SLC28A3: variants seen among roughly 807,000 people sequenced by gnomAD.
SLC28A3 encodes the protein concentrative Na(+)-nucleoside cotransporter 3.
In SLC28A3, 68 loss-of-function variants were observed where a neutral mutation model predicts 84.2. The observed-to-expected ratio is 0.81, with a 90% CI of 0.66 to 0.99. The LOEUF is 0.99. Among genes scored for constraint, SLC28A3 ranks in the 50% least tolerant of loss-of-function variants. The pLI, the probability that SLC28A3 is intolerant of heterozygous loss-of-function variation, is 0.00. For synonymous variants in SLC28A3, 267 were observed against 303.6 expected (o/e 0.88, Z 1.25); for missense variants, 712 against 841.5 (o/e 0.85, Z 1.90).
the SLC28A3 span, among the ~76,000 whole-genome samples, chr9:84,360,466 A>T: frequency 6.6e-6 from 1 of 152,160 alleles, no homozygotes; most frequent in East Asian, 1.9e-4. Context: ...TGGGGTCGTT[A>T]AAGTGTTGAG....
the SLC28A3 span, among the ~76,000 whole-genome samples, chr9:84,361,420 G>A: frequency 1.6e-4 from 24 of 152,210 alleles, no homozygotes; most frequent in African/African-American, 5.8e-4. Flanking sequence ...TGAGTTACAC[G>A]AAGAAGTCAG....
chr9:84,337,348 T>C (rs6559781), intron 1 of SLC28A3, among the ~76,000 whole-genome samples: 115,577 of 151,820 alleles, frequency 0.76, 44,027 homozygotes, highest in Middle Eastern at 0.84. Flanking sequence ...CCAGTCACTG[T>C]TTTTAGGTGT....
At chr9:84,366,203 C>G in the SLC28A3 span, among the ~76,000 whole-genome samples, 1 of 151,956 alleles carries the variant, frequency 6.6e-6, no homozygotes. Context: ...TTCAATATGC[C>G]AGTTGCATTT....
chr9:84,337,535 G>A (rs1245775154), intron 1 of SLC28A3, among the ~76,000 whole-genome samples: 2 of 152,072 alleles, frequency 1.3e-5, no homozygotes, highest in Non-Finnish European at 2.9e-5. Context: ...TTCCTGAACT[G>A]ATGGGAACAT....
upstream of SLC28A3, among the ~76,000 whole-genome samples, chr9:84,345,658 C>T (rs1000519466): frequency 5.3e-5 from 8 of 152,172 alleles, no homozygotes; most frequent in African/African-American, 1.7e-4. Context: ...AGTGACCTCC[C>T]TCATCCATTC....
intron 1 of SLC28A3, among the ~76,000 whole-genome samples, chr9:84,336,214 G>C (rs190084730): frequency 6.6e-6 from 1 of 151,774 alleles, no homozygotes; most frequent in Admixed American, 6.6e-5. Flanking sequence ...AAAAATACAA[G>C]AATTAGGTCG....
chr9:84,281,839 T>C (rs1044465190), intron 14 of SLC28A3, among the ~76,000 whole-genome samples: 2 of 152,182 alleles, frequency 1.3e-5, no homozygotes, highest in Non-Finnish European at 2.9e-5. Flanking sequence ...TATATGAAAT[T>C]CTAGGGCTGG....
upstream of SLC28A3, among the ~76,000 whole-genome samples, chr9:84,345,237 C>CAAAAAAAA (rs386415324): frequency 7.2e-6 from 1 of 138,724 alleles, no homozygotes; most frequent in African/African-American, 2.6e-5. Flanking sequence ...TTACCAAAGG[C>CAAAAAAAA]AAAAAAAAAA....
the SLC28A3 span, among the ~76,000 whole-genome samples, chr9:84,353,691 C>T: frequency 6.6e-6 from 1 of 152,158 alleles, no homozygotes. Context: ...GCCTGGGTGA[C>T]AGAGCAAGAC....
intron 1 of SLC28A3, among the ~76,000 whole-genome samples, chr9:84,335,368 C>T (rs893957167): frequency 6.6e-6 from 1 of 152,162 alleles, no homozygotes; most frequent in African/African-American, 2.4e-5. Context: ...TAGCAAGACC[C>T]TGTCTCTACA....
At chr9:84,337,847 T>C (rs1021850030) in intron 1 of SLC28A3, among the ~76,000 whole-genome samples, 2 of 152,180 alleles carry the variant, frequency 1.3e-5, no homozygotes, top group African/African-American at 4.8e-5. Flanking sequence ...TCCACTCTCA[T>C]GTATGAAGTG....
chr9:84,326,058 T>C (rs920113484), intron 1 of SLC28A3, among the ~76,000 whole-genome samples: 3 of 152,178 alleles, frequency 2.0e-5, no homozygotes, highest in Non-Finnish European at 4.4e-5. Flanking sequence ...AATCGTGTTG[T>C]GCTTTTGTCT....
the SLC28A3 span, among the ~76,000 whole-genome samples, chr9:84,364,645 C>T: frequency 2.6e-5 from 4 of 151,972 alleles, no homozygotes; most frequent in Non-Finnish European, 4.4e-5. Flanking sequence ...ACCCATTAAC[C>T]ATCCCTACCT....
chr9:84,337,288 G>A (rs1230273756), intron 1 of SLC28A3, among the ~76,000 whole-genome samples: 1 of 151,970 alleles, frequency 6.6e-6, no homozygotes, highest in Non-Finnish European at 1.5e-5. Context: ...TCTTAGAGGC[G>A]GCCATATCTA....
At chr9:84,291,457 C>T (rs1825219067) in intron 10 of SLC28A3, among the ~76,000 whole-genome samples, 1 of 152,190 alleles carries the variant, frequency 6.6e-6, no homozygotes, top group Non-Finnish European at 1.5e-5. Flanking sequence ...CTGCCTCAGC[C>T]TCCTGAGTAG....
chr9:84,313,227 A>G, intron 2 of SLC28A3, 132 bp downstream of exon 2: 1 of 678,448 alleles, frequency 1.5e-6, no homozygotes, highest in Non-Finnish European at 2.4e-6. Context: ...GCCCCCACAC[A>G]CTTTAATTAC....
the SLC28A3 span, among the ~76,000 whole-genome samples, chr9:84,351,541 A>G: frequency 6.6e-6 from 1 of 152,064 alleles, no homozygotes; most frequent in East Asian, 1.9e-4. Flanking sequence ...CGCCTATAGT[A>G]CCAGCTACTC....
chr9:84,284,628 A>G (rs1321694728), intron 14 of SLC28A3, among the ~76,000 whole-genome samples: 4 of 152,206 alleles, frequency 2.6e-5, no homozygotes, highest in African/African-American at 9.7e-5. Context: ...CAGTGTGACA[A>G]TTCTGTTCTC....
chr9:84,355,089 TA>T, the SLC28A3 span, among the ~76,000 whole-genome samples: 2,403 of 152,260 alleles, frequency 0.016, 63 homozygotes, highest in African/African-American at 0.055. Context: ...CAATTGGAAT[TA>T]AATCACTGGT....
Sources: allele counts gnomAD v4.1 joint callset (sites outside exome capture counted in the v4.1 genomes callset), GRCh38; gene constraint gnomAD v4.1.1; transcripts MANE v1.5; gene names NCBI Gene and HGNC (gene_info 2026-07-23, HGNC 2026-07-21).